The following TNC variants were observed in gnomAD, a reference collection of about 807,000 sequenced individuals.
The protein encoded by TNC is tenascin.
TNC carries 109 observed loss-of-function variants against 202.4 expected under a neutral mutation model. The ratio of observed to expected loss-of-function variants is 0.54; its 90% confidence interval spans 0.46 to 0.63. The LOEUF (loss-of-function observed/expected upper bound fraction) is 0.63. Among genes scored for constraint, TNC ranks in the 30% least tolerant of loss-of-function variants. The pLI is 0.00. For missense variants in TNC, 2,756 were observed against 2,833.3 expected, an observed-to-expected ratio of 0.97 and a Z score of 0.62; for synonymous variants, 1,007 against 1,089.7, an observed-to-expected ratio of 0.92 and a Z score of 1.50.
chr9:115,088,061 A>G (rs1215213810), intron 2 of TNC, among the ~76,000 whole-genome samples: 1 of 152,200 alleles, frequency 6.6e-6, no homozygotes, highest in Non-Finnish European at 1.5e-5. Flanking sequence ...GATGCCCAAG[A>G]AATAGTTGTT....
chr9:115,062,833 A>T (rs1206449121), intron 13 of TNC, 84 bp downstream of exon 13: 1 of 1,478,364 alleles, frequency 6.8e-7, no homozygotes, highest in Admixed American at 2.0e-5. Flanking sequence ...TTGGGGTAGG[A>T]TTCTGCCACA....
chr9:115,116,991 A>G (rs1171632482), intron 1 of TNC, among the ~76,000 whole-genome samples: 1 of 152,182 alleles, frequency 6.6e-6, no homozygotes, highest in Admixed American at 6.5e-5. Flanking sequence ...ATGATTATCC[A>G]AACTTCCAGT....
chr9:115,055,285 G>A (rs1346807388), intron 15 of TNC, among the ~76,000 whole-genome samples: 2 of 152,180 alleles, frequency 1.3e-5, no homozygotes, highest in Non-Finnish European at 2.9e-5. Context: ...GGAAAAAGAG[G>A]TTTGACACTG....
At chr9:115,093,317 AAAC>A (rs920506381) in intron 1 of TNC, among the ~76,000 whole-genome samples, 11 of 152,190 alleles carry the variant, frequency 7.2e-5, no homozygotes, top group East Asian at 1.9e-4. Context: ...AACAAAACAA[AAAC>A]AACAACAACA....
At chr9:115,065,062 G>C in intron 10 of TNC, 143 bp from the exon 11 acceptor site, 1 of 875,360 alleles carries the variant, frequency 1.1e-6, no homozygotes, top group African/African-American at 1.7e-5. Flanking sequence ...TCCCCTACTG[G>C]TGCTGTCCCT....
At chr9:115,090,526 G>T in intron 2 of TNC, 36 bp downstream of exon 2, 1 of 1,480,054 alleles carries the variant, frequency 6.8e-7, no homozygotes, top group Non-Finnish European at 9.1e-7. Context: ...CTCCATGTTT[G>T]CACAGTGTGG....
chr9:115,020,836 G>T lies in TNC; in HGVS notation c.*321C>A. On this transcript the variant is annotated 3_prime_UTR_variant, in exon 28 of 28. Transcript: ENST00000350763. ...GCTGGTTCTAAAACAAACTACCCCTGTACATCCTACCCCTCTCCCATTCCC... is the reference window on the plus strand; with the variant it reads ...GCTGGTTCTAAAACAAACTACCCCTTTACATCCTACCCCTCTCCCATTCCC... 3 of 324,224 alleles carry T rather than the reference G, an allele frequency of 9.3e-6. No individual in the cohort carries two copies. Among genetic ancestry groups the T allele is most frequent in the Non-Finnish European group, 1.7e-5 (3 of 172,726 alleles). 20.1% of individuals were successfully genotyped at this position (324,224 alleles called of 1,614,324 possible). A position where few individuals can be genotyped will look rare whatever the true frequency, so the allele number is the denominator to read the frequency against.
At chr9:115,093,025 A>G (rs1835351988) in intron 1 of TNC, among the ~76,000 whole-genome samples, 1 of 152,194 alleles carries the variant, frequency 6.6e-6, no homozygotes, top group African/African-American at 2.4e-5. Flanking sequence ...GAAGGTTTCT[A>G]ACTTTTTTTC....
Position 115,029,426 on chromosome 9 carries a change from T to C in TNC, c.6103A>G (p.Asn2035Asp). 6.2e-7 allele frequency: 1 copy of C among 1,614,132 alleles called. No individual in the cohort carries two copies. Reference sequence around the variant, plus strand: ...TATGCCTTCCAGTTTTGGTAGAAGTTCTCGCGTCCGTTTTTGCGTCTCAGG... The same window carrying C: ...TATGCCTTCCAGTTTTGGTAGAAGTCCTCGCGTCCGTTTTTGCGTCTCAGG... ...VFLRRKNGRE[N>D]FYQNWKAYAA... Residue 2035 changes from asparagine to aspartate, a missense_variant, in exon 25 of 28, where the codon AAC becomes GAC. Physicochemically the swap from Asn to Asp is conservative, Grantham distance 23. Around this residue, in one of 2 missense-constraint regions of TNC, gnomAD observed 197 missense variants for 287.3 expected, o/e 0.69. Coordinates refer to ENST00000350763, the MANE Select transcript of TNC (RefSeq NM_002160.4).
intron 15 of TNC, among the ~76,000 whole-genome samples, chr9:115,048,826 G>A (rs952806305): frequency 2.0e-5 from 3 of 152,094 alleles, no homozygotes; most frequent in East Asian, 1.9e-4. Flanking sequence ...GAGATAGAGC[G>A]AAGATTTTAG....
rs1832195694 is a variant in TNC at position 115,057,217 on chromosome 9, A to G, written c.4515T>C (p.Ile1505=). 1.2e-6 allele frequency: 2 copies of G among 1,614,078 alleles called. No individual in the cohort carries two copies. The highest frequency in any genetic ancestry group is 1.7e-6 in the Non-Finnish European group (2 of 1,180,032). The change falls in exon 15 of 28, where the codon ATT becomes ATC. Residue 1505 remains isoleucine, a synonymous_variant. Transcript: ENST00000350763. The stretch of plus-strand genomic sequence containing the variant: ...TGGGAGCAAGTCCAGAGAGGTAGAC[A>G]ATAAAATCAGTACTAGGGGGTAGCC... ...ISGLPPSTDF[I]VYLSGLAPSI...
At chr9:115,095,870 T>C (rs914266675) in intron 1 of TNC, among the ~76,000 whole-genome samples, 1 of 151,698 alleles carries the variant, frequency 6.6e-6, no homozygotes, top group Non-Finnish European at 1.5e-5. Flanking sequence ...TTGATGGTGA[T>C]ATTTAAGGAT....
At chr9:115,029,882 G>A (rs560770755) in intron 24 of TNC, among the ~76,000 whole-genome samples, 65 of 152,214 alleles carry the variant, frequency 4.3e-4, no homozygotes, top group South Asian at 2.1e-3. Flanking sequence ...TAATGGGGTC[G>A]GAATAATTCA....
At chr9:115,046,298 G>A in intron 17 of TNC, 112 bp downstream of exon 17, 1 of 1,269,554 alleles carries the variant, frequency 7.9e-7, no homozygotes, top group Admixed American at 2.1e-5. Flanking sequence ...AAAGAGTCAG[G>A]ATCAGAGCGC....
intron 10 of TNC, among the ~76,000 whole-genome samples, chr9:115,069,652 C>T (rs1286450359): frequency 5.7e-5 from 1 of 17,656 alleles, no homozygotes; most frequent in Non-Finnish European, 1.0e-4. Context: ...TCCTCCCTCC[C>T]TCCCTCCCTC....
chr9:115,081,266 A>C (rs1834281892), intron 6 of TNC, among the ~76,000 whole-genome samples: 3 of 152,330 alleles, frequency 2.0e-5, no homozygotes, highest in Non-Finnish European at 4.4e-5. Flanking sequence ...GATGCTAATT[A>C]GATTGTTAGC....
At chr9:115,099,904 G>A (rs931355118) in intron 1 of TNC, among the ~76,000 whole-genome samples, 5 of 152,160 alleles carry the variant, frequency 3.3e-5, no homozygotes, top group Admixed American at 1.3e-4. Context: ...TCAAGTAGCA[G>A]GGACACTCTA....
chr9:115,040,905 T>TAACA, intron 19 of TNC, 36 bp downstream of exon 19: 1 of 901,712 alleles, frequency 1.1e-6, no homozygotes, highest in Non-Finnish European at 1.5e-6. Context: ...TGAAAAATAG[T>TAACA]AACACACACA....
chr9:115,035,437 C>T, intron 21 of TNC, 103 bp from the exon 22 acceptor site: 1 of 1,260,144 alleles, frequency 7.9e-7, no homozygotes, highest in Non-Finnish European at 1.1e-6. Flanking sequence ...TTCCCTACCA[C>T]TGAACTACGT....
Sources: allele counts gnomAD v4.1 joint callset (sites outside exome capture counted in the v4.1 genomes callset), GRCh38; gene constraint gnomAD v4.1.1; regional missense constraint gnomAD v4.1.1; transcripts MANE v1.5; gene names NCBI Gene and HGNC (gene_info 2026-07-23, HGNC 2026-07-21).